The following TCEA1 variants were observed in gnomAD, a reference collection of about 807,000 sequenced individuals.
TCEA1 encodes transcription elongation factor A protein 1.
In TCEA1, 21 loss-of-function variants were observed where a neutral mutation model predicts 43.8. The observed-to-expected ratio is 0.48, with a 90% confidence interval of 0.34 to 0.69. The LOEUF (loss-of-function observed/expected upper bound fraction) is 0.69. TCEA1 is among the 30% of genes least tolerant of loss of function. The probability of loss-of-function intolerance (pLI) is 0.01; values close to 1 mark genes in which losing one functional copy is unlikely to be tolerated. For synonymous variants in TCEA1, 104 were observed against 117.5 expected (o/e 0.88, Z 0.75); for missense variants, 250 against 365.1 (o/e 0.68, Z 2.57).
intron 7 of TCEA1, among the ~76,000 whole-genome samples, chr8:53,982,463 C>G (rs1214526390): frequency 1.3e-5 from 2 of 151,832 alleles, no homozygotes; most frequent in African/African-American, 4.8e-5. Context: ...CAAAAATTAG[C>G]TGGGCTTGGT....
In TCEA1 at chr8:53,968,257, C is replaced by T; in HGVS notation, c.898-145G>A. The T allele has an allele frequency of 5.2e-6, 3 of 577,252 alleles. No homozygotes were observed. In the South Asian group the frequency reaches 1.5e-4, roughly 30 times the overall value. The allele number at this position is 577,252 out of a possible 1,614,324, so 35.8% of individuals were successfully genotyped here. On this transcript the variant is annotated intron_variant, in intron 9 of 9. Coordinates refer to ENST00000521604, the MANE Select transcript of TCEA1 (RefSeq NM_006756.4). ...TGTATTTTTCACACATAATAATCAC[C>T]TATCTTAAGTGCCTGACTTTCCCAA...
At chr8:53,978,206 C>T (rs1444886596) in intron 8 of TCEA1, among the ~76,000 whole-genome samples, 2 of 151,954 alleles carry the variant, frequency 1.3e-5, no homozygotes, top group African/African-American at 4.8e-5. Flanking sequence ...TGGGATCAGC[C>T]TGGACAATGC....
At chr8:54,018,883 T>C (rs577711053) in intron 1 of TCEA1, among the ~76,000 whole-genome samples, 1 of 152,308 alleles carries the variant, frequency 6.6e-6, no homozygotes, top group Non-Finnish European at 1.5e-5. Flanking sequence ...GATGCAAGGG[T>C]CTTCTAGAGA....
intron 2 of TCEA1, chr8:54,010,223 T>G (rs1030712660): frequency 2.2e-6 from 1 of 446,930 alleles, no homozygotes. Flanking sequence ...GAGATTCAGG[T>G]TTTATTCTCC....
intron 4 of TCEA1, among the ~76,000 whole-genome samples, chr8:53,992,814 T>TA (rs1311944583): frequency 6.6e-6 from 1 of 152,180 alleles, no homozygotes; most frequent in Non-Finnish European, 1.5e-5. Flanking sequence ...TTTAACCAAC[T>TA]ATGAGTAAGC....
intron 2 of TCEA1, among the ~76,000 whole-genome samples, chr8:54,004,671 G>C (rs952237152): frequency 2.0e-5 from 3 of 151,856 alleles, no homozygotes; most frequent in Non-Finnish European, 4.4e-5. Flanking sequence ...TGATGAAAAT[G>C]TTCTAAAGTT....
intron 2 of TCEA1, among the ~76,000 whole-genome samples, chr8:54,002,253 C>T (rs905289209): frequency 1.3e-5 from 2 of 151,748 alleles, no homozygotes; most frequent in African/African-American, 2.4e-5. Context: ...GGGTGGATCA[C>T]GAGGTCGGGA....
chr8:53,993,000 T>G (rs1391117916), intron 4 of TCEA1, among the ~76,000 whole-genome samples: 1 of 150,800 alleles, frequency 6.6e-6, no homozygotes, highest in Admixed American at 6.6e-5. Flanking sequence ...TTGCTCAGGC[T>G]GGAGTGCAGT....
chr8:54,014,165 A>G (rs1804746491), intron 1 of TCEA1, among the ~76,000 whole-genome samples: 1 of 152,264 alleles, frequency 6.6e-6, no homozygotes, highest in African/African-American at 2.4e-5. Context: ...ACTGACGGGT[A>G]GTAAGGTCAT....
At position 53,986,969 on chromosome 8, in the gene TCEA1, C is replaced by T. The variant is rs1269322059; in HGVS notation, c.523G>A (p.Ala175Thr). 1 of 1,589,954 alleles carries T rather than the reference C, an allele frequency of 6.3e-7. No individual in the cohort carries two copies. Among genetic ancestry groups the T allele is most frequent in the Non-Finnish European group, 8.6e-7 (1 of 1,168,600 alleles). ...TTATGAATATACACACAAAGGATAT[C>T]TTCTTCAATTTGAGATCCTAATTCT... is the stretch of plus-strand genomic sequence containing the variant. ...EEELGSQIEE[A>T]IYQEIRNTDM... Residue 175 changes from alanine (A) to threonine (T), a missense_variant and splice_region_variant, in exon 6 of 10, where the codon GCT (alanine) becomes ACT (threonine). Physicochemically the swap from Ala to Thr is moderately conservative, Grantham distance 58. Coordinates refer to ENST00000521604, the MANE Select transcript of TCEA1 (RefSeq NM_006756.4).
chr8:53,979,558 G>T (rs1803440987), intron 7 of TCEA1, among the ~76,000 whole-genome samples: 1 of 152,180 alleles, frequency 6.6e-6, no homozygotes, highest in African/African-American at 2.4e-5. Flanking sequence ...TAACTTTGAT[G>T]CAAAGATGGT....
intron 8 of TCEA1, chr8:53,972,244 A>G: frequency 2.8e-6 from 1 of 359,054 alleles, no homozygotes; most frequent in Non-Finnish European, 5.4e-6. Flanking sequence ...GAATCTAAAA[A>G]TGAAATTACA....
In TCEA1 at chr8:53,980,440, A is replaced by G. The variant is rs1442426220; in HGVS notation, c.679-1269T>C. Among the ~76,000 whole-genome samples the G allele has an allele frequency of 2.0e-5, 3 of 152,126 alleles. No homozygotes were observed. In the East Asian group the frequency reaches 5.8e-4, roughly 29 times the overall value. ...TGTGTTGAGCAAATCTATTGGCGCT[A>G]TTTTTCCAAAAGCATGTGCTCATTT... On this transcript the variant is annotated intron_variant, in intron 7 of 9. Transcript: ENST00000521604.
intron 3 of TCEA1, among the ~76,000 whole-genome samples, chr8:53,998,718 C>T (rs1313011465): frequency 6.6e-6 from 1 of 152,136 alleles, no homozygotes; most frequent in African/African-American, 2.4e-5. Flanking sequence ...ACCCTATGTA[C>T]ATTTCCTACA....
At chr8:53,968,205 A>G in intron 9 of TCEA1, 93 bp from the exon 10 acceptor site, 1 of 998,706 alleles carries the variant, frequency 1.0e-6, no homozygotes, top group Non-Finnish European at 1.4e-6. Context: ...ATTGCTTTTA[A>G]AAAAGATGCA....
At chr8:54,014,096 C>G (rs935320412) in intron 1 of TCEA1, among the ~76,000 whole-genome samples, 10 of 152,128 alleles carry the variant, frequency 6.6e-5, no homozygotes, top group African/African-American at 2.4e-4. Context: ...AAACCCTTAA[C>G]TACACACAAA....
Position 53,979,069 on chromosome 8 carries a change from A to G in TCEA1, c.781T>C (p.Phe261Leu), listed in dbSNP as rs767481992. ...AKTGGTQTDL[F>L]TCGKCKKKNC... is the part of the protein sequence containing the mutation. ...TTCTTTTTACATTTGCCACATGTGA[A>G]CAAGTCAGTCTGGGTCCCACCAGTC... Residue 261 changes from phenylalanine (F) to leucine (L), a missense_variant, in exon 8 of 10, where the codon TTC becomes CTC. Transcript: ENST00000521604. The G allele has an allele frequency of 7.4e-6, 12 of 1,613,414 alleles. No homozygotes were observed. Among genetic ancestry groups the G allele is most frequent in the Admixed American group, 1.7e-5 (1 of 59,984 alleles).
At chr8:54,010,288 T>C (rs1804610704) in intron 2 of TCEA1, 142 bp downstream of exon 2, 5 of 647,502 alleles carry the variant, frequency 7.7e-6, no homozygotes, top group Middle Eastern at 3.1e-4. Flanking sequence ...TTGATTTATA[T>C]TGCCATCTTT....
chr8:53,973,217 G>GT, intron 8 of TCEA1: 3 of 470,920 alleles, frequency 6.4e-6, no homozygotes, highest in South Asian at 6.0e-5. Flanking sequence ...ACTTTTGCAG[G>GT]TTATTCAAGA....
Sources: allele counts gnomAD v4.1 joint callset (sites outside exome capture counted in the v4.1 genomes callset), GRCh38; gene constraint gnomAD v4.1.1; transcripts MANE v1.5; gene names NCBI Gene and HGNC (gene_info 2026-07-23, HGNC 2026-07-21).